Variants in ZNF568 observed in about 807,000 individuals in gnomAD.
ZNF568 encodes p53 inhibitor of SCO2 activation.
Under a neutral mutation model 18.1 loss-of-function variants are expected in ZNF568, and 11 were observed. That is an observed-to-expected ratio of 0.61 (90% confidence interval 0.38 to 1.00). The LOEUF (loss-of-function observed/expected upper bound fraction) is 1.00, where lower values mean the gene tolerates loss of function less well. Ranked by LOEUF, ZNF568 falls within the 50% of genes least tolerant of loss-of-function variation. The pLI, the probability that ZNF568 is intolerant of heterozygous loss-of-function variation, is 0.01. For synonymous variants in ZNF568, 213 were observed against 246.6 expected (o/e 0.86, Z 1.28); for missense variants, 639 against 768.2 (o/e 0.83, Z 1.99).
intron 4 of ZNF568, among the ~76,000 whole-genome samples, chr19:36,927,876 A>G (rs1476425329): frequency 5.3e-5 from 3 of 56,652 alleles, no homozygotes; most frequent in East Asian, 5.4e-4. Context: ...ATATATATAT[A>G]TATATATATA....
chr19:36,960,869 C>T (rs550696949), intron 6 of ZNF568, among the ~76,000 whole-genome samples: 26 of 151,264 alleles, frequency 1.7e-4, no homozygotes, highest in African/African-American at 4.6e-4. Flanking sequence ...AGTTTTATTC[C>T]GTTGTGGTCT....
chr19:36,957,224 T>C (rs1325133806), downstream of ZNF568, among the ~76,000 whole-genome samples: 3 of 32,266 alleles, frequency 9.3e-5, no homozygotes, highest in Non-Finnish European at 2.0e-4. Flanking sequence ...CTGTTCTTTT[T>C]TTTTTTTTTT....
chr19:36,976,730 G>A (rs2074288517), intron 7 of ZNF568, among the ~76,000 whole-genome samples: 1 of 152,076 alleles, frequency 6.6e-6, no homozygotes, highest in Non-Finnish European at 1.5e-5. Flanking sequence ...GACCAACATG[G>A]AGAAACCCCA....
At chr19:36,971,187 G>A (rs887763345) in intron 6 of ZNF568, among the ~76,000 whole-genome samples, 3 of 151,562 alleles carry the variant, frequency 2.0e-5, no homozygotes, top group South Asian at 2.1e-4. Flanking sequence ...GAGCTGAGAC[G>A]GCATCACTGC....
At chr19:36,928,597 T>G (rs2073625193) in intron 4 of ZNF568, among the ~76,000 whole-genome samples, 1 of 152,118 alleles carries the variant, frequency 6.6e-6, no homozygotes, top group Non-Finnish European at 1.5e-5. Context: ...AGCAGGATGG[T>G]GCATTCAAAA....
chr19:36,950,352 C>T lies in ZNF568; in HGVS notation c.1199C>T (p.Ser400Phe), dbSNP rs943994428. ...YKCNKCGKAF[S>F]QCSVFIIHMR... The stretch of plus-strand genomic sequence containing the variant: ...TGTAATAAATGTGGAAAAGCTTTCT[C>T]TCAATGCTCAGTATTTATTATACAT... The change falls in exon 7 of 7, where the codon TCT (serine) becomes TTT (phenylalanine). Residue 400 changes from serine (S) to phenylalanine (F), a missense_variant. Coordinates refer to ENST00000333987, the MANE Select transcript of ZNF568 (RefSeq NM_198539.4). 3 of 1,613,688 alleles carry T rather than the reference C, an allele frequency of 1.9e-6. No homozygotes were observed. The highest frequency in any genetic ancestry group is 2.5e-6 in the Non-Finnish European group (3 of 1,179,840).
In ZNF568 at chr19:36,951,382, C is replaced by T. The variant is rs374174708; in HGVS notation, c.*294C>T. 1.8e-4 allele frequency: 39 copies of T among 214,532 alleles called. No homozygotes were observed. The highest frequency in any genetic ancestry group is 1.1e-3 in the East Asian group (11 of 10,070). The allele number at this position is 214,532 out of a possible 1,614,324, so 13.3% of individuals were successfully genotyped here. Reference sequence around the variant, plus strand: ...TGAAATAGAAGTGTATGAATTGCTGCGACAATTTTGAAAAGAATAGAGGAA... The same window carrying T: ...TGAAATAGAAGTGTATGAATTGCTGTGACAATTTTGAAAAGAATAGAGGAA... On this transcript the variant is annotated 3_prime_UTR_variant, in exon 7 of 7. Transcript: ENST00000333987.
exon 5 of ZNF568, chr19:36,996,664 G>A: frequency 6.5e-7 from 1 of 1,534,968 alleles, no homozygotes; most frequent in African/African-American, 1.4e-5. Context: ...CTTTAATAGT[G>A]GATCAGACTT....
At chr19:36,928,934 G>T (rs826263) in intron 4 of ZNF568, among the ~76,000 whole-genome samples, 89,535 of 151,834 alleles carry the variant, frequency 0.59, 27,434 homozygotes, top group African/African-American at 0.74. Context: ...TACATAGATT[G>T]ATCAGAATCT....
Position 36,945,702 on chromosome 19 carries a change from G to A in ZNF568, c.359-3810G>A, listed in dbSNP as rs1026289707. 2.0e-5 allele frequency among the ~76,000 whole-genome samples: 3 copies of A among 150,992 alleles called. No homozygotes were observed. In the South Asian group the frequency reaches 6.3e-4, roughly 32 times the overall value. ...CCAACTGTACATATGATATATGCGT[G>A]TATATGTACTATATATAAGGAAATG... On this transcript the variant is annotated intron_variant, in intron 6 of 6. Coordinates refer to ENST00000333987, the MANE Select transcript of ZNF568 (RefSeq NM_198539.4).
chr19:36,945,897 T>C (rs1274995768), intron 6 of ZNF568, among the ~76,000 whole-genome samples: 1 of 151,690 alleles, frequency 6.6e-6, no homozygotes, highest in Non-Finnish European at 1.5e-5. Flanking sequence ...ATAAAGACCA[T>C]CCTGGCCAAC....
At chr19:36,978,002 C>G (rs543066358) in intron 7 of ZNF568, among the ~76,000 whole-genome samples, 2 of 152,354 alleles carry the variant, frequency 1.3e-5, no homozygotes, top group African/African-American at 4.8e-5. Context: ...TTTTCTTTTC[C>G]TGTTCTGTGA....
At chr19:36,976,741 T>C (rs550371465) in intron 7 of ZNF568, among the ~76,000 whole-genome samples, 14 of 152,112 alleles carry the variant, frequency 9.2e-5, no homozygotes, top group Middle Eastern at 3.4e-3. Context: ...AGAAACCCCA[T>C]CTCTACTAAA....
chr19:36,941,156 T>TA (rs1346853548), intron 6 of ZNF568, among the ~76,000 whole-genome samples: 2 of 152,196 alleles, frequency 1.3e-5, no homozygotes, highest in African/African-American at 4.8e-5. Context: ...GTTTATAAGA[T>TA]AAACAGAATA....
At chr19:36,965,418 T>G (rs1232338362) in intron 6 of ZNF568, among the ~76,000 whole-genome samples, 3 of 152,164 alleles carry the variant, frequency 2.0e-5, no homozygotes, top group African/African-American at 7.2e-5. Flanking sequence ...CAACACAGTC[T>G]TTTCCCTTGA....
chr19:36,944,410 A>G (rs962648099), intron 6 of ZNF568, among the ~76,000 whole-genome samples: 6 of 151,960 alleles, frequency 3.9e-5, no homozygotes, highest in African/African-American at 1.4e-4. Context: ...AAAAAAAAAC[A>G]AAAAAGAAAA....
chr19:36,942,618 G>A (rs1643416), intron 6 of ZNF568, among the ~76,000 whole-genome samples: 49,134 of 104,850 alleles, frequency 0.47, 10,631 homozygotes, highest in African/African-American at 0.59. Flanking sequence ...AAAAAAAAAA[G>A]AAGAATAGAG....
At chr19:36,983,893 C>CTTTTTTTTT (rs57048125), downstream of ZNF568, among the ~76,000 whole-genome samples, 845 of 108,506 alleles carry the variant, frequency 7.8e-3, 7 homozygotes, top group Middle Eastern at 0.013. Context: ...CAACTTTGTC[C>CTTTTTTTTT]TTTTTTTTTT....
At chr19:36,917,751 T>C (rs1340754944) in intron 2 of ZNF568, 103 bp downstream of exon 2, 1 of 152,230 alleles carries the variant, frequency 6.6e-6, no homozygotes, top group African/African-American at 2.4e-5. Context: ...GTTGCACATA[T>C]ATCTTTTTTT....
Sources: gnomAD v4.1 joint callset for allele counts (sites outside exome capture counted in the v4.1 genomes callset) on GRCh38, gnomAD v4.1.1 for gene constraint, MANE v1.5 for transcripts, NCBI Gene and HGNC (gene_info 2026-07-23, HGNC 2026-07-21) for gene names.